The following EYS variants were observed in gnomAD, a reference collection of about 807,000 sequenced individuals.
EYS encodes the protein protein eyes shut homolog.
EYS carries 250 observed loss-of-function variants against 282.1 expected under a neutral mutation model. The observed-to-expected ratio is 0.89, with a 90% CI of 0.80 to 0.98. The LOEUF is 0.98. Ranked by LOEUF, EYS falls within the 50% of genes least tolerant of loss-of-function variation. The pLI is 0.00. For synonymous variants in EYS, 1,355 were observed against 1,282.9 expected (o/e 1.06, Z -1.20); for missense variants, 4,016 against 3,709.0 (o/e 1.08, Z -2.15).
chr6:65,632,504 C>G (rs941876722), intron 2 of EYS, among the ~76,000 whole-genome samples: 1 of 152,176 alleles, frequency 6.6e-6, no homozygotes, highest in East Asian at 1.9e-4. Flanking sequence ...GTATAAAGAG[C>G]TCCCTTGGTG....
rs555785337 is a variant in EYS at position 65,400,195 on chromosome 6, C to T, written c.1184+2283G>A. ...AGTGAGAGGAATTCTCTAGGAATTC[C>T]TAGTATTTGGATGGCTAAACCACCA... On this transcript the variant is annotated intron_variant, in intron 7 of 42. Coordinates refer to ENST00000503581, the MANE Select transcript of EYS (RefSeq NM_001142800.2). 3.3e-5 allele frequency among the ~76,000 whole-genome samples: 5 copies of T among 152,124 alleles called. No homozygotes were observed. In the East Asian group the frequency reaches 9.7e-4, roughly 29 times the overall value.
At chr6:64,307,802 TGTATCTCATAACATC>T (rs1769511128) in intron 29 of EYS, among the ~76,000 whole-genome samples, 1 of 24,576 alleles carries the variant, frequency 4.1e-5, no homozygotes, top group African/African-American at 8.7e-5. Context: ...ACTACCCATA[TGTATCTCATAACATC>T]ATGTATCTCA....
intron 19 of EYS, among the ~76,000 whole-genome samples, chr6:64,880,013 G>A (rs1406201498): frequency 6.6e-6 from 1 of 151,888 alleles, no homozygotes; most frequent in African/African-American, 2.4e-5. Context: ...GCTTTATACA[G>A]GCAAATCATA....
chr6:64,093,728 T>C (rs1772464507), intron 31 of EYS, among the ~76,000 whole-genome samples: 1 of 152,186 alleles, frequency 6.6e-6, no homozygotes, highest in Non-Finnish European at 1.5e-5. Flanking sequence ...CCTCTTTTCC[T>C]AGTTGAATAC....
At chr6:64,993,913 A>T (rs1771162869) in intron 14 of EYS, among the ~76,000 whole-genome samples, 1 of 150,432 alleles carries the variant, frequency 6.6e-6, no homozygotes, top group African/African-American at 2.4e-5. Flanking sequence ...TGTGATATTT[A>T]TATATATATA....
intron 12 of EYS, among the ~76,000 whole-genome samples, chr6:65,251,506 T>A (rs2150283328): frequency 6.6e-6 from 1 of 151,726 alleles, no homozygotes; most frequent in South Asian, 2.1e-4. Flanking sequence ...AAATATATAA[T>A]CAAGATAGAG....
intron 5 of EYS, among the ~76,000 whole-genome samples, chr6:65,464,114 T>C (rs570801817): frequency 5.9e-5 from 9 of 152,308 alleles, no homozygotes; most frequent in South Asian, 4.1e-4. Context: ...TAAATTGTCA[T>C]GTAGTCTAAT....
intron 22 of EYS, among the ~76,000 whole-genome samples, chr6:64,717,969 CAG>C (rs1771454347): frequency 6.6e-6 from 1 of 152,160 alleles, no homozygotes. Context: ...GAAAGAGAGA[CAG>C]AGTGTATGTT....
At chr6:65,513,422 C>T (rs1054176211) in intron 2 of EYS, among the ~76,000 whole-genome samples, 1 of 152,130 alleles carries the variant, frequency 6.6e-6, no homozygotes, top group Non-Finnish European at 1.5e-5. Context: ...AAGAGGGAAT[C>T]CTCCCTAACT....
At chr6:65,224,594 TAGAG>T (rs1400896036) in intron 12 of EYS, among the ~76,000 whole-genome samples, 2 of 147,416 alleles carry the variant, frequency 1.4e-5, no homozygotes, top group African/African-American at 2.4e-5. Context: ...TGAAATACGA[TAGAG>T]AGAATCAACA....
chr6:63,853,377 T>C (rs987674966), intron 36 of EYS, among the ~76,000 whole-genome samples: 11 of 152,094 alleles, frequency 7.2e-5, no homozygotes, highest in African/African-American at 2.4e-4. Context: ...TGAATTGCCA[T>C]TCACAATTGC....
chr6:64,414,734 G>C (rs750422679), intron 28 of EYS, among the ~76,000 whole-genome samples: 23 of 152,112 alleles, frequency 1.5e-4, no homozygotes, highest in Non-Finnish European at 2.9e-4. Context: ...CATTTATAAT[G>C]GTTTATACTT....
At chr6:65,150,201 C>T (rs982462994) in intron 12 of EYS, among the ~76,000 whole-genome samples, 2 of 151,988 alleles carry the variant, frequency 1.3e-5, no homozygotes, top group Non-Finnish European at 2.9e-5. Context: ...AGTGTGAACA[C>T]TTTTATCTGG....
intron 7 of EYS, among the ~76,000 whole-genome samples, chr6:65,401,216 T>C (rs1436086337): frequency 1.3e-5 from 2 of 151,790 alleles, no homozygotes. Flanking sequence ...TATTATTATA[T>C]TCACTGATAT....
At chr6:64,625,419 G>C (rs1767574247) in intron 23 of EYS, among the ~76,000 whole-genome samples, 1 of 152,152 alleles carries the variant, frequency 6.6e-6, no homozygotes, top group African/African-American at 2.4e-5. Flanking sequence ...AAGCTGCAGG[G>C]TACAAGAACA....
chr6:64,736,501 C>T (rs540844885), intron 22 of EYS, among the ~76,000 whole-genome samples: 10 of 152,208 alleles, frequency 6.6e-5, no homozygotes, highest in Admixed American at 2.6e-4. Context: ...GACAATAAAA[C>T]TACTTTAAAG....
At chr6:64,089,120 C>A (rs191135261) in intron 31 of EYS, among the ~76,000 whole-genome samples, 1 of 151,546 alleles carries the variant, frequency 6.6e-6, no homozygotes. Context: ...AACTCTGTGA[C>A]GAAGTTTATA....
intron 2 of EYS, among the ~76,000 whole-genome samples, chr6:65,544,236 C>A (rs746364257): frequency 6.6e-6 from 1 of 152,060 alleles, no homozygotes; most frequent in African/African-American, 2.4e-5. Flanking sequence ...CATGAGAACA[C>A]GTGAAGTTCT....
intron 8 of EYS, among the ~76,000 whole-genome samples, chr6:65,355,866 T>C (rs889460435): frequency 5.9e-5 from 9 of 152,090 alleles, no homozygotes; most frequent in Non-Finnish European, 1.2e-4. Context: ...GGAATGCTTA[T>C]GCCCTGCTGA....
Sources: allele counts gnomAD v4.1 joint callset (sites outside exome capture counted in the v4.1 genomes callset), GRCh38; gene constraint gnomAD v4.1.1; transcripts MANE v1.5; gene names NCBI Gene and HGNC (gene_info 2026-07-23, HGNC 2026-07-21).